The following ANKS1A variants were observed in gnomAD, a reference collection of about 807,000 sequenced individuals.
The protein encoded by ANKS1A is ankyrin repeat and SAM domain-containing protein 1A.
In ANKS1A, 55 loss-of-function variants were observed where a neutral mutation model predicts 120.3. That is an observed-to-expected ratio of 0.46 (90% CI 0.37 to 0.57). The LOEUF (loss-of-function observed/expected upper bound fraction) is 0.57, where lower values mean the gene tolerates loss of function less well. ANKS1A is among the 20% of genes least tolerant of loss of function. ANKS1A has a pLI of 0.00. For synonymous variants in ANKS1A, 590 were observed against 604.7 expected (o/e 0.98, Z 0.36); for missense variants, 1,123 against 1,480.3 (o/e 0.76, Z 3.96).
Position 35,054,153 on chromosome 6 carries a change from CAGA to C in ANKS1A, c.2069_2071del (p.Lys690del), listed in dbSNP as rs774592874. The C allele has an allele frequency of 2.5e-6, 4 of 1,614,038 alleles. No homozygotes were observed. The South Asian group carries it at 4.4e-5, about 18-fold the overall frequency. ...AGGGATTGACTTTTCTCAGGAACGG[CAGA>C]AGATCTCAGGTACCGTACTAAGTGG... On this transcript the variant is annotated inframe_deletion, in exon 12 of 24. Transcript: ENST00000360359.
chr6:35,078,311 C>A (rs979628449), intron 13 of ANKS1A, among the ~76,000 whole-genome samples: 2 of 152,212 alleles, frequency 1.3e-5, no homozygotes, highest in African/African-American at 2.4e-5. Context: ...GCAGGCGGCA[C>A]CCCCACCCTT....
chr6:34,945,633 G>A (rs776440618), intron 1 of ANKS1A, among the ~76,000 whole-genome samples: 7 of 151,972 alleles, frequency 4.6e-5, no homozygotes, highest in Non-Finnish European at 1.0e-4. Context: ...GCTTTATACT[G>A]GCATACCTCA....
chr6:35,002,917 T>TC (rs775168057), intron 10 of ANKS1A, among the ~76,000 whole-genome samples: 9 of 150,482 alleles, frequency 6.0e-5, no homozygotes, highest in Non-Finnish European at 1.3e-4. Context: ...TCAGTAAATC[T>TC]CCAAAGTTGC....
Position 35,089,655 on chromosome 6 carries a change from A to T in ANKS1A, c.*1046A>T, listed in dbSNP as rs866919189. The T allele has an allele frequency of 1.2e-5, 12 of 989,080 alleles. No homozygotes were observed. Among genetic ancestry groups the T allele is most frequent in the African/African-American group, 1.7e-5 (1 of 57,268 alleles). The allele number at this position is 989,080 out of a possible 1,614,324, so 61.3% of individuals were successfully genotyped here. A position where few individuals can be genotyped will look rare whatever the true frequency, so the allele number is the denominator to read the frequency against. ...AAAAGGCTAAATAAGGTGACAGTGC[A>T]TCGATGCTCCCCCGCGTGGCCTTTG... On this transcript the variant is annotated 3_prime_UTR_variant, in exon 24 of 24. Transcript: ENST00000360359.
At chr6:35,038,219 A>G (rs1322913491) in intron 11 of ANKS1A, 1 of 456,692 alleles carries the variant, frequency 2.2e-6, no homozygotes, top group Admixed American at 2.3e-5. Flanking sequence ...GAAGCCCATC[A>G]GTCTGGGAAG....
Position 35,060,304 on chromosome 6 carries a change from G to A in ANKS1A, c.2184+51G>A. On this transcript the variant is annotated intron_variant, in intron 13 of 23. Coordinates refer to ENST00000360359, the MANE Select transcript of ANKS1A (RefSeq NM_015245.3). The surrounding 1 kb of genome is among the most constrained non-coding windows in gnomAD (Gnocchi z 4.5). Reference sequence around the variant, plus strand: ...GGCAGGGTGCTGCTCAGTGGAAACAGGCCTCCCTGGCCTCCCCTCTGGCCC... The same window carrying A: ...GGCAGGGTGCTGCTCAGTGGAAACAAGCCTCCCTGGCCTCCCCTCTGGCCC... The A allele has an allele frequency of 6.8e-7, 1 of 1,471,842 alleles. No individual in the cohort carries two copies. Among genetic ancestry groups the A allele is most frequent in the Non-Finnish European group, 9.4e-7 (1 of 1,068,542 alleles). The allele number at this position is 1,471,842 out of a possible 1,614,324, so 91.2% of individuals were successfully genotyped here. A position where few individuals can be genotyped will look rare whatever the true frequency, so the allele number is the denominator to read the frequency against.
chr6:35,090,462 T>G lies in ANKS1A; in HGVS notation c.*1853T>G. The G allele has an allele frequency of 8.6e-7, 1 of 1,166,502 alleles. No individual in the cohort carries two copies. Among genetic ancestry groups the G allele is most frequent in the South Asian group, 1.7e-5 (1 of 58,186 alleles). The allele number at this position is 1,166,502 out of a possible 1,614,324, so 72.3% of individuals were successfully genotyped here. ...TACGATGCACTCCTCAAGCTGTCTT[T>G]TGTGCTTAGATCATCCATAGGTGTT... On this transcript the variant is annotated 3_prime_UTR_variant, in exon 24 of 24. Transcript: ENST00000360359.
chr6:34,947,945 G>C (rs1038502603), intron 1 of ANKS1A, among the ~76,000 whole-genome samples: 3 of 152,206 alleles, frequency 2.0e-5, no homozygotes, highest in Admixed American at 2.0e-4. Context: ...GAGGTCCTGA[G>C]ACAGGCTCTG....
chr6:34,991,659 CACATATATATACACATATATAT>C (rs1241059343), intron 9 of ANKS1A, among the ~76,000 whole-genome samples: 2 of 104,182 alleles, frequency 1.9e-5, no homozygotes, highest in South Asian at 3.2e-4. Context: ...CATATATATA[CACATATATATACACATATATAT>C]ACATATATAC....
Position 35,017,608 on chromosome 6 carries a change from T to A in ANKS1A, c.1559T>A (p.Leu520His). 6.2e-7 allele frequency: 1 copy of A among 1,613,814 alleles called. No homozygotes were observed. Among genetic ancestry groups the A allele is most frequent in the Non-Finnish European group, 8.5e-7 (1 of 1,179,884 alleles). The change falls in exon 11 of 24, where the codon CTC (leucine) becomes CAC (histidine). Residue 520 changes from leucine (L) to histidine (H), a missense_variant. By Grantham distance (99) the Leu-to-His change is moderately conservative. This residue lies in a region of ANKS1A where 904 missense variants were observed against 1,130.4 expected (regional missense o/e 0.80). Transcript: ENST00000360359. ...GTGGGGCAGGACCCTTTCCAGCTGC[T>A]CTGTACCGCTGGCCAGAGCCATCCA... ...CEVGQDPFQL[L>H]CTAGQSHPDG...
intron 11 of ANKS1A, among the ~76,000 whole-genome samples, chr6:35,039,314 T>G (rs1775341044): frequency 6.6e-6 from 1 of 150,950 alleles, no homozygotes; most frequent in South Asian, 2.1e-4. Context: ...TTCTCCTGTC[T>G]CAGCCTCCTG....
chr6:34,955,567 G>A (rs560943527), intron 1 of ANKS1A, among the ~76,000 whole-genome samples: 2 of 152,188 alleles, frequency 1.3e-5, no homozygotes, highest in African/African-American at 4.8e-5. Context: ...TTCTGCAGAT[G>A]CCCCCCTGGA....
intron 11 of ANKS1A, among the ~76,000 whole-genome samples, chr6:35,038,480 T>C (rs1472681346): frequency 1.3e-5 from 2 of 152,298 alleles, no homozygotes; most frequent in Middle Eastern, 3.4e-3. Flanking sequence ...CTTTCCCTTT[T>C]TTTAATTTTA....
At chr6:34,996,094 C>G (rs1429454773) in intron 10 of ANKS1A, among the ~76,000 whole-genome samples, 1 of 152,182 alleles carries the variant, frequency 6.6e-6, no homozygotes, top group Non-Finnish European at 1.5e-5. Context: ...TATATCATCC[C>G]TAGCACTTAA....
At chr6:35,003,016 G>A (rs1773251669) in intron 10 of ANKS1A, among the ~76,000 whole-genome samples, 1 of 149,144 alleles carries the variant, frequency 6.7e-6, no homozygotes, top group Admixed American at 6.8e-5. Flanking sequence ...CCTACGCTAA[G>A]CTGCCTGACC....
At chr6:35,038,164 G>A (rs1481689762) in intron 11 of ANKS1A, 1 of 456,434 alleles carries the variant, frequency 2.2e-6, no homozygotes, top group Non-Finnish European at 4.4e-6. Context: ...CCCCCATCTT[G>A]TCCTACTGTT....
intron 10 of ANKS1A, among the ~76,000 whole-genome samples, chr6:35,017,113 G>A (rs1774059912): frequency 6.6e-6 from 1 of 152,026 alleles, no homozygotes; most frequent in South Asian, 2.1e-4. Flanking sequence ...ACTCTGTCCT[G>A]ACTTGTGTCC....
At chr6:34,897,890 A>G (rs1265560093) in intron 1 of ANKS1A, among the ~76,000 whole-genome samples, 1 of 152,176 alleles carries the variant, frequency 6.6e-6, no homozygotes, top group South Asian at 2.1e-4. Flanking sequence ...CTCCTGGCCT[A>G]CTTAAGTGGT....
Position 35,083,172 on chromosome 6 carries a change from G to A in ANKS1A, c.2853G>A (p.Leu951=). 1 of 1,614,144 alleles carries A rather than the reference G, an allele frequency of 6.2e-7. No homozygotes were observed. Among genetic ancestry groups the A allele is most frequent in the South Asian group, 1.1e-5 (1 of 91,076 alleles). The change falls in exon 19 of 24, where the codon CTG becomes CTA. Residue 951 remains leucine (L), a synonymous_variant. Coordinates refer to ENST00000360359, the MANE Select transcript of ANKS1A (RefSeq NM_015245.3). The stretch of plus-strand genomic sequence containing the variant: ...CCCCACAGTATCTGGGCTCCATGCT[G>A]ATCAAAGATCTGCGAGGGACAGAAT... The part of the protein sequence containing the change: ...GYEANYLGSM[L]IKDLRGTEST...
Sources: gnomAD v4.1 joint callset for allele counts (sites outside exome capture counted in the v4.1 genomes callset) on GRCh38, gnomAD v4.1.1 for gene constraint, gnomAD v4.1.1 regional missense constraint, Gnocchi (gnomAD v3.1) non-coding constraint, MANE v1.5 for transcripts, NCBI Gene and HGNC (gene_info 2026-07-23, HGNC 2026-07-21) for gene names.